The following PTCD1 variants were observed in gnomAD, a reference collection of about 807,000 sequenced individuals.
PTCD1 encodes the protein pentatricopeptide repeat-containing protein 1, mitochondrial.
A neutral mutation model predicts 53.4 loss-of-function variants in PTCD1; 50 were observed. That is an observed-to-expected ratio of 0.94 (90% CI 0.75 to 1.19). PTCD1 has a LOEUF of 1.19. Ranked by LOEUF, PTCD1 falls within the 50% of genes most tolerant of loss-of-function variation. The pLI is 0.00. For missense variants in PTCD1, 918 were observed against 904.8 expected (o/e 1.01, Z -0.19); for synonymous variants, 413 against 394.8 (o/e 1.05, Z -0.55).
At chr7:99,420,581 C>G (rs1770362138) in intron 7 of PTCD1, among the ~76,000 whole-genome samples, 1 of 152,194 alleles carries the variant, frequency 6.6e-6, no homozygotes, top group Non-Finnish European at 1.5e-5. Flanking sequence ...AAAGACACAC[C>G]AGACACAAAC....
chr7:99,423,724 G>A (rs376344427), intron 7 of PTCD1, 51 bp downstream of exon 7: 1 of 1,611,630 alleles, frequency 6.2e-7, no homozygotes, highest in Non-Finnish European at 8.5e-7. Context: ...GTGGGGGGAG[G>A]GGGTAGCAAT....
intron 7 of PTCD1, among the ~76,000 whole-genome samples, chr7:99,422,324 C>G (rs1245569009): frequency 6.6e-6 from 1 of 152,180 alleles, no homozygotes. Context: ...TACTTGTTTC[C>G]GCCCCATCCG....
At chr7:99,438,473 G>C in intron 1 of PTCD1, 1 of 1,069,296 alleles carries the variant, frequency 9.4e-7, no homozygotes, top group Non-Finnish European at 1.1e-6. Context: ...CTGAATTAGA[G>C]ACACGCTGCG....
chr7:99,435,595 C>T (rs1419660164), intron 1 of PTCD1, among the ~76,000 whole-genome samples: 2 of 150,600 alleles, frequency 1.3e-5, no homozygotes, highest in Admixed American at 6.6e-5. Context: ...GCTGAGATTG[C>T]GCCACCATAC....
intron 3 of PTCD1, among the ~76,000 whole-genome samples, chr7:99,430,947 C>A (rs567086699): frequency 6.6e-6 from 1 of 151,914 alleles, no homozygotes; most frequent in Admixed American, 6.6e-5. Context: ...TGGTGGTGGG[C>A]GCCTTTAATC....
In PTCD1 at chr7:99,419,493, C is replaced by T. The variant is rs374783591; in HGVS notation, c.*474G>A. On this transcript the variant is annotated 3_prime_UTR_variant, in exon 8 of 8. Coordinates refer to ENST00000292478, the MANE Select transcript of PTCD1 (RefSeq NM_015545.4). ...GGACTTCGCAGGTTCCTGCCTGTCA[C>T]GCCACCCCCTTCCTGGGAGCAGCGA... 3.6e-5 allele frequency: 58 copies of T among 1,598,786 alleles called. No individual in the cohort carries two copies. The highest frequency in any genetic ancestry group is 8.0e-5 in the African/African-American group (6 of 74,712).
rs775117883 is a variant in PTCD1, at chr7:99,425,561, A to AGGTTGTAGCTGTCCCGGCTC, written c.951_970dup (p.Leu324ArgfsTer18). ...ACAGTCCCGAGCTGCCACCAACAGC[A>AGGTTGTAGCTGTCCCGGCTC]GGTTGTAGCTGTCCCGGCTCGGCTG... On this transcript the variant is annotated frameshift_variant, in exon 6 of 8. Coordinates refer to ENST00000292478, the MANE Select transcript of PTCD1 (RefSeq NM_015545.4). LOFTEE classifies it high-confidence loss of function. The AGGTTGTAGCTGTCCCGGCTC allele has an allele frequency of 6.2e-7, 1 of 1,612,650 alleles. No individual in the cohort carries two copies. The highest frequency in any genetic ancestry group is 2.2e-5 in the East Asian group (1 of 44,878).
chr7:99,435,049 C>A lies in PTCD1; in HGVS notation c.194G>T (p.Ser65Ile), dbSNP rs750615515. ...GGAGTGGCTCGGGTCAGAGCCCAGG[C>A]TGCCCGTGTTTTCCTGACGCTCCTG... ...LGQERQENTG[S>I]LGSDPSHSNS... Residue 65 changes from serine to isoleucine, a missense_variant, in exon 2 of 8, where the codon AGC becomes ATC. Physicochemically the swap from Ser to Ile is moderately radical, Grantham distance 142. Transcript: ENST00000292478. The A allele has an allele frequency of 6.2e-7, 1 of 1,613,094 alleles. No homozygotes were observed. Among genetic ancestry groups the A allele is most frequent in the Non-Finnish European group, 8.5e-7 (1 of 1,179,632 alleles).
At chr7:99,430,138 G>A (rs1173608215) in intron 3 of PTCD1, among the ~76,000 whole-genome samples, 1 of 152,262 alleles carries the variant, frequency 6.6e-6, no homozygotes, top group Non-Finnish European at 1.5e-5. Context: ...GAAAGGGCCT[G>A]TAGTGCTTAC....
intron 3 of PTCD1, among the ~76,000 whole-genome samples, chr7:99,430,833 A>G (rs1796223428): frequency 6.6e-6 from 1 of 152,212 alleles, no homozygotes; most frequent in African/African-American, 2.4e-5. Flanking sequence ...GCACTTTGGA[A>G]GGCTGAGGTG....
chr7:99,430,941 G>T (rs369821395), intron 3 of PTCD1, among the ~76,000 whole-genome samples: 2 of 152,054 alleles, frequency 1.3e-5, no homozygotes, highest in African/African-American at 4.8e-5. Flanking sequence ...CAGGCATGGT[G>T]GTGGGCGCCT....
chr7:99,426,279 C>T (rs572621803), intron 5 of PTCD1, among the ~76,000 whole-genome samples: 5 of 152,278 alleles, frequency 3.3e-5, no homozygotes, highest in African/African-American at 1.2e-4. Flanking sequence ...CGGCTCACTG[C>T]AACCTCCCTG....
At chr7:99,428,620 A>T (rs1005922492) in intron 5 of PTCD1, among the ~76,000 whole-genome samples, 1 of 151,954 alleles carries the variant, frequency 6.6e-6, no homozygotes, top group East Asian at 1.9e-4. Context: ...GGGCGCCTGT[A>T]ATCTCAACTA....
intron 7 of PTCD1, among the ~76,000 whole-genome samples, chr7:99,421,835 A>G (rs184249973): frequency 1.3e-5 from 2 of 152,298 alleles, no homozygotes; most frequent in Non-Finnish European, 2.9e-5. Flanking sequence ...AAAGTGATAT[A>G]CATTCAGTAG....
In PTCD1 at chr7:99,425,417, C is replaced by T. The variant is rs1335030683; in HGVS notation, c.1115G>A (p.Gly372Asp). 2.5e-6 allele frequency: 4 copies of T among 1,613,978 alleles called. No homozygotes were observed. Among genetic ancestry groups the T allele is most frequent in the Non-Finnish European group, 3.4e-6 (4 of 1,180,054 alleles). The change falls in exon 6 of 8, where the codon GGC (glycine) becomes GAC (aspartate). Residue 372 changes from glycine (G) to aspartate (D), a missense_variant. Physicochemically the swap from Gly to Asp is moderately conservative, Grantham distance 94. Coordinates refer to ENST00000292478, the MANE Select transcript of PTCD1 (RefSeq NM_015545.4). ...ATGCAGCATGGCTGACATGAGGTTGCCTGCCTTGGCCTGGGCTGTCCTCCT... is the reference window on the plus strand; with the variant it reads ...ATGCAGCATGGCTGACATGAGGTTGTCTGCCTTGGCCTGGGCTGTCCTCCT... ...RPRRTAQAKAGNLMSAMLHVE... is the reference protein window; with the variant it reads ...RPRRTAQAKADNLMSAMLHVE...
chr7:99,417,968 T>TATC lies in PTCD1; in HGVS notation c.*1996_*1998dup. On this transcript the variant is annotated 3_prime_UTR_variant, in exon 8 of 8. Transcript: ENST00000292478. Reference sequence around the variant, plus strand: ...AGTGATACTTTAACATTACCATCACTATCTTTCCCGCCCCCCCAAGACGGA... The same window carrying TATC: ...AGTGATACTTTAACATTACCATCACTATCATCTTTCCCGCCCCCCCAAGACGGA... 1 of 1,190,944 alleles carries TATC rather than the reference T, an allele frequency of 8.4e-7. No individual in the cohort carries two copies. The highest frequency in any genetic ancestry group is 1.6e-5 in the African/African-American group (1 of 62,764). The allele number at this position is 1,190,944 out of a possible 1,614,324, so 73.8% of individuals were successfully genotyped here. A position where few individuals can be genotyped will look rare whatever the true frequency, so the allele number is the denominator to read the frequency against.
At chr7:99,433,522 CGGCGGCCCTGGGTGACTGCAAACCCCCTG>C (rs1554360144) in intron 2 of PTCD1, 104 bp from the exon 3 acceptor site, 10 of 1,596,008 alleles carry the variant, frequency 6.3e-6, no homozygotes, top group Non-Finnish European at 7.7e-6. Context: ...TGGTGGAGAA[CGGCGGCCCTGGGTGACTGCAAACCCCCTG>C]GGCCCCCAGC....
rs1445711228 is a variant in PTCD1, at chr7:99,434,923, G to C, written c.320C>G (p.Ala107Gly). ...SSRRLFRKSAAQFHNLRFGER... is the reference protein window; with the variant it reads ...SSRRLFRKSAGQFHNLRFGER... ...CCCAAACCGCAGGTTATGGAACTGG[G>C]CTGCGGATTTGCGGAATAGTCTCCG... The change falls in exon 2 of 8, where the codon GCC (alanine) becomes GGC (glycine). Residue 107 changes from alanine to glycine, a missense_variant. Coordinates refer to ENST00000292478, the MANE Select transcript of PTCD1 (RefSeq NM_015545.4). The C allele has an allele frequency of 6.2e-7, 1 of 1,614,246 alleles. No individual in the cohort carries two copies. Among genetic ancestry groups the C allele is most frequent in the Non-Finnish European group, 8.5e-7 (1 of 1,180,050 alleles).
In PTCD1 at chr7:99,425,527, C is replaced by T. The variant is rs1320179634; in HGVS notation, c.1005G>A (p.Gly335=). Residue 335 remains glycine (G), a synonymous_variant, in exon 6 of 8, where the codon GGG becomes GGA. Coordinates refer to ENST00000292478, the MANE Select transcript of PTCD1 (RefSeq NM_015545.4). ...LLVAARDCGL[G]DPQVASELLL... ...GCAGCTCTGAGGCCACCTGGGGGTC[C>T]CCTAGGCCACAGTCCCGAGCTGCCA... 3 of 1,612,450 alleles carry T rather than the reference C, an allele frequency of 1.9e-6. No homozygotes were observed. Among genetic ancestry groups the T allele is most frequent in the African/African-American group, 2.7e-5 (2 of 74,928 alleles).
Sources: allele counts gnomAD v4.1 joint callset (sites outside exome capture counted in the v4.1 genomes callset), GRCh38; gene constraint gnomAD v4.1.1; transcripts MANE v1.5; gene names NCBI Gene and HGNC (gene_info 2026-07-23, HGNC 2026-07-21).